The following ASB1 variants were observed in gnomAD, a reference collection of about 807,000 sequenced individuals.
ASB1 encodes the protein ankyrin repeat and SOCS box protein 1.
ASB1 carries 18 observed loss-of-function variants against 27.7 expected under a neutral mutation model. The observed-to-expected ratio is 0.65, with a 90% confidence interval of 0.45 to 0.96. The LOEUF is 0.96. ASB1 is among the 50% of genes least tolerant of loss of function. ASB1 has a pLI of 0.00. For synonymous variants in ASB1, 189 were observed against 187.6 expected (o/e 1.01, Z -0.06); for missense variants, 397 against 451.7 (o/e 0.88, Z 1.10).
chr2:238,446,501 T>G lies in ASB1; in HGVS notation c.998T>G (p.Leu333Arg). 6.2e-7 allele frequency: 1 copy of G among 1,614,036 alleles called. No homozygotes were observed. The highest frequency in any genetic ancestry group is 1.3e-5 in the African/African-American group (1 of 75,030). The change falls in exon 5 of 5, where the codon CTC becomes CGC. Residue 333 changes from leucine (L) to arginine (R), a missense_variant. Transcript: ENST00000264607. ...PLPDPIKKFLLHE is the reference protein window; with the variant it reads ...PLPDPIKKFLRHE ...CCAGACCCCATAAAGAAGTTTCTAC[T>G]CCATGAGTAGACTCCAAGTGCTGCG...
At chr2:238,441,088 G>A (rs2106408085) in intron 3 of ASB1, among the ~76,000 whole-genome samples, 1 of 152,292 alleles carries the variant, frequency 6.6e-6, no homozygotes, top group African/African-American at 2.4e-5. Flanking sequence ...AGCGCATCAT[G>A]GCGCCAGCTG....
At position 238,450,264 on chromosome 2, in the gene ASB1, G is replaced by A. The variant is rs1403732946; in HGVS notation, c.*3753G>A. 3 of 152,204 alleles carry A rather than the reference G, an allele frequency of 2.0e-5. No homozygotes were observed. Among genetic ancestry groups the A allele is most frequent in the Non-Finnish European group, 4.4e-5 (3 of 68,042 alleles). The allele number at this position is 152,204 out of a possible 1,614,324, so 9.4% of individuals were successfully genotyped here. On this transcript the variant is annotated 3_prime_UTR_variant, in exon 5 of 5. Transcript: ENST00000264607. Reference sequence around the variant, plus strand: ...GGGACAGAGCGCTCTATGCAGGTGAGGCGTATGAGAACAGCATGGTAAATA... The same window carrying A: ...GGGACAGAGCGCTCTATGCAGGTGAAGCGTATGAGAACAGCATGGTAAATA...
rs114953706 is a variant in ASB1 at position 238,448,724 on chromosome 2, G to C, written c.*2213G>C. On this transcript the variant is annotated 3_prime_UTR_variant, in exon 5 of 5. Transcript: ENST00000264607. ...TGCCTCGTGGGAGTCCCATGCGTGA[G>C]TGTGGTGGTGTGACCTTCAGGCTGC... is the stretch of plus-strand genomic sequence containing the variant. The C allele has an allele frequency of 1.3e-5, 2 of 152,484 alleles. No homozygotes were observed. The highest frequency in any genetic ancestry group is 2.4e-5 in the African/African-American group (1 of 41,456). The allele number at this position is 152,484 out of a possible 1,614,324, so 9.4% of individuals were successfully genotyped here. A position where few individuals can be genotyped will look rare whatever the true frequency, so the allele number is the denominator to read the frequency against.
chr2:238,444,783 G>A (rs1702146344), intron 4 of ASB1, 56 bp downstream of exon 4: 1 of 1,506,486 alleles, frequency 6.6e-7, no homozygotes, highest in East Asian at 2.3e-5. Flanking sequence ...AATGAATCAA[G>A]ATGTAGCAAT....
chr2:238,451,485 T>C lies in ASB1; in HGVS notation c.*4974T>C, dbSNP rs1702284111. On this transcript the variant is annotated 3_prime_UTR_variant, in exon 5 of 5. Coordinates refer to ENST00000264607, the MANE Select transcript of ASB1 (RefSeq NM_001040445.3). ...CCCTGCCCTGCAGTGTCTGCTCAGCTCCCACTGCTTCTCTTTGCTGTTGGG... is the reference window on the plus strand; with the variant it reads ...CCCTGCCCTGCAGTGTCTGCTCAGCCCCCACTGCTTCTCTTTGCTGTTGGG... The C allele has an allele frequency of 2.0e-5, 3 of 152,540 alleles. No individual in the cohort carries two copies. Among genetic ancestry groups the C allele is most frequent in the South Asian group, 4.1e-4 (2 of 4,826 alleles). 9.4% of individuals were successfully genotyped at this position (152,540 alleles called of 1,614,324 possible).
In ASB1 at chr2:238,444,508, A is replaced by G; in HGVS notation, c.661A>G (p.Asn221Asp). 6.2e-7 allele frequency: 1 copy of G among 1,614,108 alleles called. No individual in the cohort carries two copies. Among genetic ancestry groups the G allele is most frequent in the Non-Finnish European group, 8.5e-7 (1 of 1,180,020 alleles). The stretch of plus-strand genomic sequence containing the variant: ...CCTGGCTGGCGCGAACCCTGACTTC[A>G]ACTGCAATGGTCCTGTCAACACACA... Reference protein sequence around the residue: ...LLLAGANPDFNCNGPVNTQGF... With the variant: ...LLLAGANPDFDCNGPVNTQGF... Residue 221 changes from asparagine (N) to aspartate (D), a missense_variant, in exon 4 of 5, where the codon AAC becomes GAC. By Grantham distance (23) the Asn-to-Asp change is conservative. Coordinates refer to ENST00000264607, the MANE Select transcript of ASB1 (RefSeq NM_001040445.3).
intron 3 of ASB1, among the ~76,000 whole-genome samples, chr2:238,441,336 C>T (rs1048935184): frequency 2.6e-5 from 4 of 151,934 alleles, no homozygotes; most frequent in African/African-American, 7.3e-5. Flanking sequence ...GGTTTTGCCA[C>T]GTTGGTCAGG....
At chr2:238,439,403 C>T (rs1702036319) in intron 3 of ASB1, among the ~76,000 whole-genome samples, 1 of 152,070 alleles carries the variant, frequency 6.6e-6, no homozygotes, top group Non-Finnish European at 1.5e-5. Flanking sequence ...TCCAGGGGAG[C>T]GTTTCTCTGG....
chr2:238,447,468 G>C lies in ASB1; in HGVS notation c.*957G>C, dbSNP rs947472977. 1 of 152,400 alleles carries C rather than the reference G, an allele frequency of 6.6e-6. No individual in the cohort carries two copies. The highest frequency in any genetic ancestry group is 1.5e-5 in the Non-Finnish European group (1 of 68,110). 9.4% of individuals were successfully genotyped at this position (152,400 alleles called of 1,614,324 possible). ...GGTCGCTGCTTCTAGAATCTATGCA[G>C]GGGATAGCAGTGAGGTCAGAAGTCT... On this transcript the variant is annotated 3_prime_UTR_variant, in exon 5 of 5. Coordinates refer to ENST00000264607, the MANE Select transcript of ASB1 (RefSeq NM_001040445.3).
At chr2:238,427,151 C>A (rs1194771406) in intron 1 of ASB1, 32 bp downstream of exon 1, 1 of 1,231,216 alleles carries the variant, frequency 8.1e-7, no homozygotes, top group Non-Finnish European at 1.0e-6. Flanking sequence ...GGCCGCGGGG[C>A]GTGTGGGGAT....
At position 238,446,371 on chromosome 2, in the gene ASB1, C is replaced by T; in HGVS notation, c.881-13C>T. 6.3e-7 allele frequency: 1 copy of T among 1,579,994 alleles called. No homozygotes were observed. Among genetic ancestry groups the T allele is most frequent in the Non-Finnish European group, 8.6e-7 (1 of 1,164,944 alleles). On this transcript the variant is annotated splice_polypyrimidine_tract_variant and intron_variant, in intron 4 of 4. Coordinates refer to ENST00000264607, the MANE Select transcript of ASB1 (RefSeq NM_001040445.3). ...CCTTCCTCTATCCCTCTCTTTCTTC[C>T]CACGGCCTTCAGGTGTTCCCAGAAC...
intron 3 of ASB1, among the ~76,000 whole-genome samples, chr2:238,439,667 C>G (rs914428076): frequency 2.6e-5 from 4 of 152,162 alleles, no homozygotes; most frequent in South Asian, 2.1e-4. Context: ...CAGGTGCCAA[C>G]TCTAATGTTG....
intron 3 of ASB1, among the ~76,000 whole-genome samples, chr2:238,436,533 T>C (rs1701974628): frequency 6.6e-6 from 1 of 152,146 alleles, no homozygotes; most frequent in African/African-American, 2.4e-5. Context: ...GGGTCTTACT[T>C]TGTTGCCCAG....
chr2:238,439,727 G>A (rs1207225737), intron 3 of ASB1, among the ~76,000 whole-genome samples: 1 of 152,144 alleles, frequency 6.6e-6, no homozygotes, highest in Non-Finnish European at 1.5e-5. Flanking sequence ...CGCAAAGGGA[G>A]GTTGTGTTCG....
intron 1 of ASB1, among the ~76,000 whole-genome samples, chr2:238,429,950 A>C (rs1412340879): frequency 6.6e-6 from 1 of 152,022 alleles, no homozygotes; most frequent in Non-Finnish European, 1.5e-5. Context: ...AAAAAAAAAA[A>C]AACCAAGTAC....
chr2:238,436,774 C>CTCTT (rs1553625441), intron 3 of ASB1, among the ~76,000 whole-genome samples: 42 of 147,098 alleles, frequency 2.9e-4, no homozygotes, highest in African/African-American at 9.4e-4. Context: ...CTCTCTCTCT[C>CTCTT]TTTTTTTTTT....
chr2:238,444,979 C>CTTTTTTT (rs34563680), intron 4 of ASB1, among the ~76,000 whole-genome samples: 1 of 117,890 alleles, frequency 8.5e-6, no homozygotes, highest in Non-Finnish European at 1.7e-5. Context: ...CTCGCGCTCT[C>CTTTTTTT]TTTTTTTTTT....
In ASB1 at chr2:238,451,211, A is replaced by G. The variant is rs1173278086; in HGVS notation, c.*4700A>G. ...CAGTGATGTGTGGAATAAATACTAG[A>G]AATTCTCAGCAGACAGTGGGATGGA... On this transcript the variant is annotated 3_prime_UTR_variant, in exon 5 of 5. Coordinates refer to ENST00000264607, the MANE Select transcript of ASB1 (RefSeq NM_001040445.3). 1.3e-5 allele frequency: 2 copies of G among 152,218 alleles called. No homozygotes were observed. The highest frequency in any genetic ancestry group is 1.3e-4 in the Admixed American group (2 of 15,278). The allele number at this position is 152,218 out of a possible 1,614,324, so 9.4% of individuals were successfully genotyped here. A position where few individuals can be genotyped will look rare whatever the true frequency, so the allele number is the denominator to read the frequency against.
At chr2:238,444,184 G>A (rs1369993688) in intron 3 of ASB1, among the ~76,000 whole-genome samples, 158 bp from the exon 4 acceptor site, 3 of 152,160 alleles carry the variant, frequency 2.0e-5, no homozygotes, top group Non-Finnish European at 2.9e-5. Flanking sequence ...CTTGCTGAAC[G>A]TAGTGAAGCT....
Sources: allele counts gnomAD v4.1 joint callset (sites outside exome capture counted in the v4.1 genomes callset), GRCh38; gene constraint gnomAD v4.1.1; transcripts MANE v1.5; gene names NCBI Gene and HGNC (gene_info 2026-07-23, HGNC 2026-07-21).